Variants in PRICKLE1 observed in about 807,000 individuals in gnomAD.
PRICKLE1 encodes the protein prickle planar cell polarity protein 1, also known as prickle-like protein 1.
PRICKLE1 carries 14 observed loss-of-function variants against 70.2 expected under a neutral mutation model. The observed-to-expected ratio is 0.20, with a 90% confidence interval of 0.13 to 0.31. The LOEUF (loss-of-function observed/expected upper bound fraction) is 0.31. PRICKLE1 is among the 10% of genes least tolerant of loss of function. PRICKLE1 has a pLI of 1.00. For synonymous variants in PRICKLE1, 357 were observed against 379.9 expected (o/e 0.94, Z 0.70); for missense variants, 821 against 1,026.2 (o/e 0.80, Z 2.73).
intron 1 of PRICKLE1, among the ~76,000 whole-genome samples, chr12:42,488,261 G>A (rs1350464343): frequency 6.6e-6 from 1 of 152,126 alleles, no homozygotes; most frequent in Non-Finnish European, 1.5e-5. Flanking sequence ...CTCAATAGCT[G>A]ATTATGACAC....
chr12:42,556,287 C>T (rs1940411850), intron 1 of PRICKLE1, among the ~76,000 whole-genome samples: 1 of 152,146 alleles, frequency 6.6e-6, no homozygotes, highest in Non-Finnish European at 1.5e-5. Context: ...CCAGCAAGAC[C>T]CTGGAAGACC....
chr12:42,550,075 C>G (rs562134706), intron 1 of PRICKLE1: 1 of 152,390 alleles, frequency 6.6e-6, no homozygotes, highest in African/African-American at 2.4e-5. Context: ...TGCTATTGTT[C>G]ACAAGGTCAG....
At chr12:42,553,856 A>T (rs1777874309) in intron 1 of PRICKLE1, among the ~76,000 whole-genome samples, 1 of 152,034 alleles carries the variant, frequency 6.6e-6, no homozygotes, top group Admixed American at 6.5e-5. Context: ...TAATCCCAGC[A>T]CTTTGGGAGG....
intron 1 of PRICKLE1, among the ~76,000 whole-genome samples, chr12:42,475,029 A>T (rs2140131880): frequency 6.6e-6 from 1 of 152,326 alleles, no homozygotes; most frequent in African/African-American, 2.4e-5. Context: ...TTTTTGTGAA[A>T]AATGTGCAGT....
intron 1 of PRICKLE1, among the ~76,000 whole-genome samples, chr12:42,560,808 ACACACACAC>A (rs1940500671): frequency 8.3e-6 from 1 of 120,740 alleles, no homozygotes; most frequent in Admixed American, 8.0e-5. Flanking sequence ...ACACACACAC[ACACACACAC>A]AAAACAAAAA....
intron 1 of PRICKLE1, among the ~76,000 whole-genome samples, chr12:42,583,343 A>G (rs1329222972): frequency 6.6e-6 from 1 of 152,202 alleles, no homozygotes; most frequent in Admixed American, 6.5e-5. Flanking sequence ...AGCTGGTAAA[A>G]TAACATAAAC....
At chr12:42,548,725 C>T (rs1940254544) in intron 1 of PRICKLE1, among the ~76,000 whole-genome samples, 2 of 152,162 alleles carry the variant, frequency 1.3e-5, no homozygotes, top group South Asian at 4.1e-4. Flanking sequence ...GTCATTATTT[C>T]AGATGGAGAG....
intron 1 of PRICKLE1, among the ~76,000 whole-genome samples, chr12:42,583,579 C>T (rs1940939547): frequency 1.3e-5 from 2 of 152,182 alleles, no homozygotes; most frequent in South Asian, 4.1e-4. Flanking sequence ...TAGGCAGTCA[C>T]CTAACCTCCA....
intron 1 of PRICKLE1, among the ~76,000 whole-genome samples, chr12:42,544,981 C>T (rs532242185): frequency 1.6e-3 from 113 of 72,270 alleles, no homozygotes; most frequent in African/African-American, 5.1e-3. Context: ...AGGACTACCA[C>T]GCTGAATTTT....
intron 1 of PRICKLE1, among the ~76,000 whole-genome samples, chr12:42,556,228 G>C (rs1940410772): frequency 6.6e-6 from 1 of 152,132 alleles, no homozygotes; most frequent in Non-Finnish European, 1.5e-5. Flanking sequence ...TGCATAAAGG[G>C]TTTCAATGTT....
intron 1 of PRICKLE1, among the ~76,000 whole-genome samples, chr12:42,515,654 T>C (rs1449462258): frequency 6.6e-6 from 1 of 152,242 alleles, no homozygotes; most frequent in Non-Finnish European, 1.5e-5. Flanking sequence ...CCTCAAATGA[T>C]ACTTTGGTGG....
At chr12:42,558,398 T>C (rs1167957037) in intron 1 of PRICKLE1, among the ~76,000 whole-genome samples, 1 of 152,194 alleles carries the variant, frequency 6.6e-6, no homozygotes, top group Non-Finnish European at 1.5e-5. Flanking sequence ...GCCAGGTTAA[T>C]TAAAACAACA....
At chr12:42,541,772 G>T (rs941160200) in intron 1 of PRICKLE1, among the ~76,000 whole-genome samples, 2 of 152,214 alleles carry the variant, frequency 1.3e-5, no homozygotes, top group Non-Finnish European at 2.9e-5. Context: ...ACAGTCAGGT[G>T]AGAAAGGATC....
At chr12:42,460,791 A>G (rs983554311) in intron 7 of PRICKLE1, 126 bp from the exon 8 acceptor site, 6 of 1,136,104 alleles carry the variant, frequency 5.3e-6, no homozygotes, top group South Asian at 5.2e-5. Context: ...ATTAAAACCC[A>G]TAGGGAAAGC....
At chr12:42,577,151 A>G (rs1940817099) in intron 1 of PRICKLE1, among the ~76,000 whole-genome samples, 2 of 152,254 alleles carry the variant, frequency 1.3e-5, no homozygotes, top group African/African-American at 4.8e-5. Context: ...TCAACAAGTG[A>G]ACATGCTAAT....
intron 1 of PRICKLE1, among the ~76,000 whole-genome samples, chr12:42,512,193 C>G (rs1159294043): frequency 6.6e-6 from 1 of 152,098 alleles, no homozygotes; most frequent in African/African-American, 2.4e-5. Flanking sequence ...TTTTTGGAGA[C>G]AGAATCTTGC....
chr12:42,476,929 C>T (rs935768255), intron 1 of PRICKLE1, among the ~76,000 whole-genome samples: 16 of 151,968 alleles, frequency 1.1e-4, no homozygotes, highest in Non-Finnish European at 2.4e-4. Context: ...GGATTACAGG[C>T]GTGAGCCATG....
chr12:42,519,230 CTT>C (rs1939666387), intron 1 of PRICKLE1, among the ~76,000 whole-genome samples: 1 of 108,968 alleles, frequency 9.2e-6, no homozygotes, highest in Admixed American at 1.5e-4. Flanking sequence ...GTGTGTTGCT[CTT>C]GTCACCCAGT....
At chr12:42,546,560 C>G (rs1232360968) in intron 1 of PRICKLE1, among the ~76,000 whole-genome samples, 1 of 152,052 alleles carries the variant, frequency 6.6e-6, no homozygotes, top group Non-Finnish European at 1.5e-5. Context: ...TTGAGATCAG[C>G]CTGGCCAACA....
Sources: gnomAD v4.1 joint callset for allele counts (sites outside exome capture counted in the v4.1 genomes callset) on GRCh38, gnomAD v4.1.1 for gene constraint, MANE v1.5 for transcripts, NCBI Gene and HGNC (gene_info 2026-07-23, HGNC 2026-07-21) for gene names.